Variants in LENG8 observed in about 807,000 individuals in gnomAD.
The protein encoded by LENG8 is leukocyte receptor cluster (LRC) member 8.
A neutral mutation model predicts 102.1 loss-of-function variants in LENG8; 28 were observed. That is an observed-to-expected ratio of 0.27 (90% CI 0.20 to 0.38). LENG8 has a LOEUF of 0.38. Among genes scored for constraint, LENG8 ranks in the 10% least tolerant of loss-of-function variants. The pLI is 1.00. For synonymous variants in LENG8, 531 were observed against 456.7 expected (o/e 1.16, Z -2.07); for missense variants, 1,022 against 1,113.9 (o/e 0.92, Z 1.17).
intron 15 of LENG8, 47 bp from the exon 16 acceptor site, chr19:54,460,719 G>GGGCCCCCCCCCC: frequency 5.8e-5 from 45 of 778,882 alleles, no homozygotes; most frequent in East Asian, 1.1e-4. Context: ...GCCCTCCCCT[G>GGGCCCCCCCCCC]CCCTCCCGCC....
At position 54,455,492 on chromosome 19, in the gene LENG8, T is replaced by C. The variant is rs1381148437; in HGVS notation, c.950T>C (p.Leu317Pro). 1 of 1,613,990 alleles carries C rather than the reference T, an allele frequency of 6.2e-7. No homozygotes were observed. The highest frequency in any genetic ancestry group is 2.2e-5 in the East Asian group (1 of 44,864). The part of the protein sequence containing the change: ...EEDKDRTEKL[L>P]KEVLQARLQD... ...GACAAGGACCGCACGGAAAAGCTGC[T>C]CAAGGAGGTGCTGCAGGCGCGGCTG... Residue 317 changes from leucine (L) to proline (P), a missense_variant, in exon 8 of 16, where the codon CTC (leucine) becomes CCC (proline). Transcript: ENST00000326764.
At chr19:54,457,098 C>A (rs1351258790) in intron 11 of LENG8, among the ~76,000 whole-genome samples, 177 bp downstream of exon 11, 1 of 152,264 alleles carries the variant, frequency 6.6e-6, no homozygotes, top group Non-Finnish European at 1.5e-5. Flanking sequence ...GCTCTGCTGC[C>A]CTGGAGCCCC....
Position 54,454,675 on chromosome 19 carries a change from C to A in LENG8, c.672C>A (p.Arg224=). ...KPKKGQQLWN[R]MKPAPGTGGL... ...AGAAGGGCCAACAGCTGTGGAACCGCATGAAACGTAAGTTGGCAGAGCTAC... is the reference window on the plus strand; with the variant it reads ...AGAAGGGCCAACAGCTGTGGAACCGAATGAAACGTAAGTTGGCAGAGCTAC... The change falls in exon 6 of 16, where the codon CGC becomes CGA. Residue 224 remains arginine (R), a synonymous_variant. Transcript: ENST00000326764. 6.3e-7 allele frequency: 1 copy of A among 1,596,052 alleles called. No individual in the cohort carries two copies.
Position 54,454,549 on chromosome 19 carries a change from C to T in LENG8, c.546C>T (p.Gly182=), listed in dbSNP as rs759331059. 1.2e-5 allele frequency: 20 copies of T among 1,613,174 alleles called. No homozygotes were observed. The Admixed American group carries it at 2.2e-4, about 17-fold the overall frequency. Residue 182 remains glycine (G), a synonymous_variant, in exon 6 of 16, where the codon GGC becomes GGT. Transcript: ENST00000326764. ...PPHGAHTLNS[G]PQPGTAPATQ... The stretch of plus-strand genomic sequence containing the variant: ...ATGGGGCTCACACGCTGAACAGTGG[C>T]CCTCAGCCTGGGACAGCTCCAGCCA...
chr19:54,455,119 C>T lies in LENG8; in HGVS notation c.821+27C>T, dbSNP rs184053459. The T allele has an allele frequency of 4.3e-6, 7 of 1,613,800 alleles. No homozygotes were observed. The Admixed American group carries it at 5.0e-5, about 12-fold the overall frequency. ...TGACGTCTGCCCCCTTGCCCCGTCGCAGCCCCACACTCTGCACTCAGCGTC... is the reference window on the plus strand; with the variant it reads ...TGACGTCTGCCCCCTTGCCCCGTCGTAGCCCCACACTCTGCACTCAGCGTC... On this transcript the variant is annotated intron_variant, in intron 7 of 15. Transcript: ENST00000326764.
At position 54,458,016 on chromosome 19, in the gene LENG8, T is replaced by C. The variant is rs925846268; in HGVS notation, c.1902+14T>C. On this transcript the variant is annotated intron_variant, in intron 13 of 15. Coordinates refer to ENST00000326764, the MANE Select transcript of LENG8 (RefSeq NM_052925.4). ...GCCTTGGAGAAGGTGAGCTGGCCTC[T>C]GCGGGCCTCCCCAGCCCCTTTCCTG... 10 of 1,613,166 alleles carry C rather than the reference T, an allele frequency of 6.2e-6. No homozygotes were observed. The African/African-American group carries it at 8.0e-5, about 13-fold the overall frequency.
chr19:54,459,137 T>C, intron 15 of LENG8: 1 of 1,301,226 alleles, frequency 7.7e-7, no homozygotes, highest in Non-Finnish European at 9.7e-7. Context: ...CGCATGGTTC[T>C]GTCTGGTGAT....
At chr19:54,459,385 T>C in intron 15 of LENG8, 11 of 992,762 alleles carry the variant, frequency 1.1e-5, no homozygotes, top group Non-Finnish European at 1.3e-5. Context: ...AGTCACAGCA[T>C]GGAGGCCTTG....
chr19:54,460,719 G>GGCCAA, intron 15 of LENG8, 47 bp from the exon 16 acceptor site: 8 of 778,904 alleles, frequency 1.0e-5, no homozygotes, highest in Non-Finnish European at 1.4e-5. Context: ...GCCCTCCCCT[G>GGCCAA]CCCTCCCGCC....
chr19:54,455,730 G>A (rs117561231), intron 8 of LENG8, among the ~76,000 whole-genome samples, 163 bp downstream of exon 8: 4,122 of 152,130 alleles, frequency 0.027, 113 homozygotes, highest in Admixed American at 0.087. Flanking sequence ...GAGGGAGGCC[G>A]GTGGGGTGGG....
chr19:54,457,051 C>T, intron 11 of LENG8, 130 bp downstream of exon 11: 1 of 1,086,830 alleles, frequency 9.2e-7, no homozygotes, highest in Non-Finnish European at 1.3e-6. Flanking sequence ...GCCAGAGACG[C>T]CTCGGCTGGT....
chr19:54,454,180 C>T (rs550744953), intron 5 of LENG8, among the ~76,000 whole-genome samples: 8 of 152,194 alleles, frequency 5.3e-5, no homozygotes, highest in East Asian at 3.9e-4. Context: ...TGCCAGCTGC[C>T]GCTTCATAGC....
In LENG8 at chr19:54,462,010, G is replaced by C; in HGVS notation, c.*1082G>C. 1 of 1,451,842 alleles carries C rather than the reference G, an allele frequency of 6.9e-7. No homozygotes were observed. Among genetic ancestry groups the C allele is most frequent in the Non-Finnish European group, 9.4e-7 (1 of 1,064,720 alleles). The allele number at this position is 1,451,842 out of a possible 1,614,324, so 89.9% of individuals were successfully genotyped here. On this transcript the variant is annotated 3_prime_UTR_variant, in exon 16 of 16. Coordinates refer to ENST00000326764, the MANE Select transcript of LENG8 (RefSeq NM_052925.4). ...GAGAAACCAAAATTAAAGAGAGAAA[G>C]AGAGAGCGTGCACGCTCCTGCTTTG...
Position 54,454,550 on chromosome 19 carries a change from C to T in LENG8, c.547C>T (p.Pro183Ser), listed in dbSNP as rs564970949. ...PHGAHTLNSG[P>S]QPGTAPATQH... ...TGGGGCTCACACGCTGAACAGTGGCCCTCAGCCTGGGACAGCTCCAGCCAC... is the reference window on the plus strand; with the variant it reads ...TGGGGCTCACACGCTGAACAGTGGCTCTCAGCCTGGGACAGCTCCAGCCAC... Residue 183 changes from proline (P) to serine (S), a missense_variant, in exon 6 of 16, where the codon CCT (proline) becomes TCT (serine). Coordinates refer to ENST00000326764, the MANE Select transcript of LENG8 (RefSeq NM_052925.4). 2.5e-6 allele frequency: 4 copies of T among 1,613,272 alleles called. No homozygotes were observed. The highest frequency in any genetic ancestry group is 2.7e-5 in the African/African-American group (2 of 75,056).
At chr19:54,453,755 C>CT in intron 5 of LENG8, 99 bp downstream of exon 5, 1 of 803,402 alleles carries the variant, frequency 1.2e-6, no homozygotes, top group South Asian at 1.6e-5. Context: ...CCTTAAGCTG[C>CT]TTTTTTCCTT....
intron 12 of LENG8, 41 bp from the exon 13 acceptor site, chr19:54,457,893 T>TC: frequency 6.2e-7 from 1 of 1,613,886 alleles, no homozygotes; most frequent in Non-Finnish European, 8.5e-7. Context: ...CAGTCCTGCC[T>TC]CCCGCTCCTT....
In LENG8 at chr19:54,456,100, G is replaced by C. The variant is rs376740722; in HGVS notation, c.1159G>C (p.Ala387Pro). ...GAPSQRGTPGAGGAGRARGNS... is the reference protein window; with the variant it reads ...GAPSQRGTPGPGGAGRARGNS... ...CCCGTCCCAGCGAGGGACGCCCGGGGCTGGGGGTGCCGGTCGAGCCCGGGG... is the reference window on the plus strand; with the variant it reads ...CCCGTCCCAGCGAGGGACGCCCGGGCCTGGGGGTGCCGGTCGAGCCCGGGG... Residue 387 changes from alanine (A) to proline (P), a missense_variant, in exon 9 of 16, where the codon GCT becomes CCT. By Grantham distance (27) the Ala-to-Pro change is conservative. Transcript: ENST00000326764. 4 of 1,609,714 alleles carry C rather than the reference G, an allele frequency of 2.5e-6. No homozygotes were observed. Among genetic ancestry groups the C allele is most frequent in the Non-Finnish European group, 3.4e-6 (4 of 1,177,266 alleles).
rs1231200900 is a variant in LENG8, at chr19:54,456,858, C to T, written c.1668C>T (p.Asp556=). 1.9e-6 allele frequency: 3 copies of T among 1,610,918 alleles called. No individual in the cohort carries two copies. The highest frequency in any genetic ancestry group is 1.7e-6 in the Non-Finnish European group (2 of 1,179,880). The change falls in exon 11 of 16, where the codon GAC becomes GAT. Residue 556 remains aspartate, a synonymous_variant. Transcript: ENST00000326764. ...TGCAGATCGTGGGCACCTGCCCTGA[C>T]ATCACCAAGCACTACCTGCGCCTCA... ...QELQIVGTCP[D]ITKHYLRLTC...
At chr19:54,460,649 A>C in intron 15 of LENG8, 117 bp from the exon 16 acceptor site, 4 of 1,433,042 alleles carry the variant, frequency 2.8e-6, no homozygotes, top group Non-Finnish European at 3.7e-6. Flanking sequence ...GGGAGCCAGC[A>C]GGCACTGTGC....
Sources: allele counts gnomAD v4.1 joint callset (sites outside exome capture counted in the v4.1 genomes callset), GRCh38; gene constraint gnomAD v4.1.1; transcripts MANE v1.5; gene names NCBI Gene and HGNC (gene_info 2026-07-23, HGNC 2026-07-21).